HHIP: variants seen among roughly 807,000 people sequenced by gnomAD.
The protein encoded by HHIP is hedgehog interacting protein.
Under a neutral mutation model 74.0 loss-of-function variants are expected in HHIP, and 12 were observed. The observed-to-expected ratio is 0.16, with a 90% CI of 0.10 to 0.26. HHIP has a LOEUF of 0.26. HHIP is among the 10% of genes least tolerant of loss of function. HHIP has a pLI of 1.00. For synonymous variants in HHIP, 309 were observed against 311.6 expected (o/e 0.99, Z 0.09); for missense variants, 788 against 845.0 (o/e 0.93, Z 0.84).
At chr4:144,657,655 A>G (rs1176634146) in intron 2 of HHIP, among the ~76,000 whole-genome samples, 1 of 152,196 alleles carries the variant, frequency 6.6e-6, no homozygotes, top group Non-Finnish European at 1.5e-5. Context: ...TTCCTTTCAT[A>G]TTCAAAGATA....
chr4:144,737,742 T>C, intron 12 of HHIP, 22 bp from the exon 13 acceptor site: 2 of 1,576,378 alleles, frequency 1.3e-6, no homozygotes, highest in Non-Finnish European at 8.6e-7. Context: ...AGTGTGATGT[T>C]CTTGCTCTTT....
chr4:144,727,462 T>C (rs1730836565), intron 11 of HHIP, among the ~76,000 whole-genome samples: 1 of 152,180 alleles, frequency 6.6e-6, no homozygotes, highest in Non-Finnish European at 1.5e-5. Flanking sequence ...TGGAATACAA[T>C]ATTTTTCAGG....
chr4:144,662,630 T>C (rs1728746452), intron 4 of HHIP, among the ~76,000 whole-genome samples: 1 of 152,232 alleles, frequency 6.6e-6, no homozygotes, highest in Non-Finnish European at 1.5e-5. Flanking sequence ...TCACTATTAC[T>C]GGCACTGTGA....
intron 7 of HHIP, among the ~76,000 whole-genome samples, chr4:144,710,808 A>G (rs1200023767): frequency 1.3e-5 from 2 of 152,216 alleles, no homozygotes; most frequent in Non-Finnish European, 2.9e-5. Flanking sequence ...TCCCCAGACA[A>G]AAAATTACCT....
chr4:144,662,947 G>C (rs1355774623), intron 4 of HHIP, among the ~76,000 whole-genome samples: 1 of 152,134 alleles, frequency 6.6e-6, no homozygotes, highest in Non-Finnish European at 1.5e-5. Context: ...TAATGATACT[G>C]TGAAGAATGG....
intron 10 of HHIP, 48 bp downstream of exon 10, chr4:144,715,478 C>G: frequency 6.4e-7 from 1 of 1,570,598 alleles, no homozygotes; most frequent in East Asian, 2.3e-5. Context: ...CTTCCTTTTT[C>G]AAGAGGCTTT....
At chr4:144,697,767 T>C (rs1473615199) in intron 4 of HHIP, among the ~76,000 whole-genome samples, 3 of 152,122 alleles carry the variant, frequency 2.0e-5, no homozygotes, top group Admixed American at 1.3e-4. Flanking sequence ...TAACTGAGTA[T>C]GTATATATAC....
intron 11 of HHIP, among the ~76,000 whole-genome samples, chr4:144,733,327 A>T (rs1414327145): frequency 1.3e-5 from 2 of 152,216 alleles, no homozygotes; most frequent in African/African-American, 4.8e-5. Flanking sequence ...CATGTTAGCT[A>T]CAGAACATAG....
At chr4:144,686,649 A>G (rs1416663407) in intron 4 of HHIP, among the ~76,000 whole-genome samples, 3 of 152,244 alleles carry the variant, frequency 2.0e-5, no homozygotes, top group Non-Finnish European at 4.4e-5. Context: ...ATTAAAACAT[A>G]AAATTTCTAA....
At position 144,734,822 on chromosome 4, in the gene HHIP, C is replaced by G. The variant is rs141591140; in HGVS notation, c.1842C>G (p.Asn614Lys). ...CAGAGTGCTCCAGGCTCTGTCGAAA[C>G]GGCTACTGCACCCCCACGGGAAAGT... ...LTSECSRLCR[N>K]GYCTPTGKCC... Residue 614 changes from asparagine to lysine, a missense_variant, in exon 12 of 13, where the codon AAC becomes AAG. This residue lies in a region of HHIP where 343 missense variants were observed against 347.9 expected (regional missense o/e 0.99). Transcript: ENST00000296575. The G allele has an allele frequency of 3.7e-6, 6 of 1,612,790 alleles. No individual in the cohort carries two copies. In the South Asian group the frequency reaches 4.4e-5, roughly 12 times the overall value.
rs1428324473 is a variant in HHIP at position 144,646,934 on chromosome 4, C to A, written c.259C>A (p.Leu87Ile). 10 of 1,610,440 alleles carry A rather than the reference C, an allele frequency of 6.2e-6. No individual in the cohort carries two copies. Among genetic ancestry groups the A allele is most frequent in the Non-Finnish European group, 3.4e-6 (4 of 1,177,744 alleles). Residue 87 changes from leucine (L) to isoleucine (I), a missense_variant, in exon 1 of 13, where the codon CTA becomes ATA. Physicochemically the swap from Leu to Ile is conservative, Grantham distance 5. Transcript: ENST00000296575. ...SCCLRSDSPG[L>I]GRLENKIFSV... ...CTGCCTGCGGAGTGACAGCCCGGGG[C>A]TAGGGCGCCTGGAGAATAAGGTAGG...
intron 11 of HHIP, among the ~76,000 whole-genome samples, chr4:144,720,097 CTATT>C (rs1423214824): frequency 6.6e-6 from 1 of 152,192 alleles, no homozygotes; most frequent in African/African-American, 2.4e-5. Context: ...CATCCCTTCT[CTATT>C]TAACTGTATA....
In HHIP at chr4:144,715,363, C is replaced by A. The variant is rs200412495; in HGVS notation, c.1611C>A (p.Leu537=). The part of the protein sequence containing the change: ...TKQWQEKPLC[L]GTSGSCRGYF... ...AGTGGCAAGAAAAACCACTCTGTCT[C>A]GGCACTAGTGGGTCCTGTAGAGGCT... The change falls in exon 10 of 13, where the codon CTC becomes CTA. Residue 537 remains leucine (L), a synonymous_variant. Transcript: ENST00000296575. 21 of 1,613,158 alleles carry A rather than the reference C, an allele frequency of 1.3e-5. No individual in the cohort carries two copies. In the South Asian group the frequency reaches 1.4e-4, roughly 11 times the overall value.
In HHIP at chr4:144,646,314, G is replaced by A; in HGVS notation, c.-362G>A. 1 of 206,482 alleles carries A rather than the reference G, an allele frequency of 4.8e-6. No individual in the cohort carries two copies. The allele number at this position is 206,482 out of a possible 1,614,324, so 12.8% of individuals were successfully genotyped here. A position where few individuals can be genotyped will look rare whatever the true frequency, so the allele number is the denominator to read the frequency against. On this transcript the variant is annotated 5_prime_UTR_variant, in exon 1 of 13. Coordinates refer to ENST00000296575, the MANE Select transcript of HHIP (RefSeq NM_022475.3). ...AACAACTCCCGTTACACGGACAAGTGAACATCTGTGGCTGTCCTCTCCTTT... is the reference window on the plus strand; with the variant it reads ...AACAACTCCCGTTACACGGACAAGTAAACATCTGTGGCTGTCCTCTCCTTT...
At chr4:144,660,049 G>C in intron 4 of HHIP, 1 of 556,098 alleles carries the variant, frequency 1.8e-6, no homozygotes, top group African/African-American at 1.9e-5. Flanking sequence ...CGCTGCAATC[G>C]AATTGATATT....
chr4:144,697,991 G>A (rs138516821), intron 4 of HHIP, among the ~76,000 whole-genome samples: 51 of 152,204 alleles, frequency 3.4e-4, no homozygotes, highest in African/African-American at 1.2e-3. Context: ...GATGATTTCC[G>A]TGTGGAATCT....
chr4:144,660,185 AG>A, intron 4 of HHIP: 1 of 344,328 alleles, frequency 2.9e-6, no homozygotes, highest in Non-Finnish European at 5.2e-6. Context: ...AGAAACAAAG[AG>A]GTCTTTTGGT....
intron 1 of HHIP, chr4:144,647,271 C>A (rs1415138496): frequency 7.2e-6 from 2 of 277,692 alleles, no homozygotes; most frequent in Non-Finnish European, 1.3e-5. Flanking sequence ...TGTTTTGGAT[C>A]GAATGGGGCA....
At chr4:144,713,658 C>T (rs186235848) in intron 8 of HHIP, among the ~76,000 whole-genome samples, 4 of 152,112 alleles carry the variant, frequency 2.6e-5, no homozygotes, top group Admixed American at 2.6e-4. Flanking sequence ...ATCCACACAA[C>T]TCTATAAACA....
Sources: gnomAD v4.1 joint callset for allele counts (sites outside exome capture counted in the v4.1 genomes callset) on GRCh38, gnomAD v4.1.1 for gene constraint, gnomAD v4.1.1 regional missense constraint, MANE v1.5 for transcripts, NCBI Gene and HGNC (gene_info 2026-07-23, HGNC 2026-07-21) for gene names.